The following TMEM117 variants were observed in gnomAD, a reference collection of about 807,000 sequenced individuals.
TMEM117 encodes transmembrane protein 117.
A neutral mutation model predicts 52.4 loss-of-function variants in TMEM117; 27 were observed. The observed-to-expected ratio is 0.51, with a 90% CI of 0.38 to 0.71. TMEM117 has a LOEUF of 0.71. Ranked by LOEUF, TMEM117 falls within the 30% of genes least tolerant of loss-of-function variation. The probability of loss-of-function intolerance (pLI) is 0.00; values close to 1 mark genes in which losing one functional copy is unlikely to be tolerated. For synonymous variants in TMEM117, 215 were observed against 206.3 expected, an observed-to-expected ratio of 1.04 and a Z score of -0.36; for missense variants, 556 against 630.5, an observed-to-expected ratio of 0.88 and a Z score of 1.26.
chr12:44,058,368 C>T (rs1204131790), intron 3 of TMEM117, among the ~76,000 whole-genome samples: 2 of 152,150 alleles, frequency 1.3e-5, no homozygotes, highest in African/African-American at 4.8e-5. Flanking sequence ...AGCTATTTCA[C>T]CAGGTGTTAC....
chr12:44,295,047 C>G (rs547579018), intron 5 of TMEM117, among the ~76,000 whole-genome samples: 17 of 152,268 alleles, frequency 1.1e-4, no homozygotes, highest in African/African-American at 3.6e-4. Flanking sequence ...CTTCATAAAT[C>G]TGGATGTCTG....
chr12:43,912,240 C>T (rs1266559072), intron 2 of TMEM117, among the ~76,000 whole-genome samples: 4 of 141,682 alleles, frequency 2.8e-5, no homozygotes, highest in African/African-American at 7.6e-5. Flanking sequence ...ACTAAACTAT[C>T]GCAAAAACAA....
At chr12:44,164,906 C>A (rs1332665559) in intron 4 of TMEM117, among the ~76,000 whole-genome samples, 2 of 152,146 alleles carry the variant, frequency 1.3e-5, no homozygotes, top group African/African-American at 4.8e-5. Context: ...TAACATTTAT[C>A]ATTTCTTTGT....
intron 5 of TMEM117, among the ~76,000 whole-genome samples, chr12:44,254,077 C>CA (rs1397754753): frequency 7.0e-6 from 1 of 143,832 alleles, no homozygotes; most frequent in Non-Finnish European, 1.5e-5. Flanking sequence ...CACTGTGAAG[C>CA]AAAAAATAAA....
intron 5 of TMEM117, among the ~76,000 whole-genome samples, chr12:44,211,711 C>G (rs928430413): frequency 5.9e-5 from 9 of 152,132 alleles, no homozygotes; most frequent in African/African-American, 2.2e-4. Context: ...CCTATAAATA[C>G]TAAATTGCCT....
At chr12:44,168,688 T>A (rs1283728970) in intron 4 of TMEM117, among the ~76,000 whole-genome samples, 1 of 152,174 alleles carries the variant, frequency 6.6e-6, no homozygotes, top group Non-Finnish European at 1.5e-5. Flanking sequence ...TAAAATATAT[T>A]TTTTTATTGT....
At chr12:43,860,356 C>T (rs1469060977) in intron 2 of TMEM117, among the ~76,000 whole-genome samples, 3 of 152,108 alleles carry the variant, frequency 2.0e-5, no homozygotes, top group Admixed American at 6.5e-5. Flanking sequence ...CCCTGGGGAT[C>T]CAGCATTGAA....
chr12:44,300,479 G>A (rs1004364871), intron 6 of TMEM117, among the ~76,000 whole-genome samples: 3 of 152,128 alleles, frequency 2.0e-5, no homozygotes, highest in Admixed American at 6.6e-5. Context: ...TAAGTCACCA[G>A]ACCAAAGACT....
At chr12:44,010,315 C>G in intron 3 of TMEM117, 1 of 447,934 alleles carries the variant, frequency 2.2e-6, no homozygotes, top group South Asian at 1.6e-5. Context: ...CTCAGCTTGA[C>G]TACCCTCTGT....
At chr12:44,070,331 A>G (rs767096424) in intron 3 of TMEM117, among the ~76,000 whole-genome samples, 1 of 152,226 alleles carries the variant, frequency 6.6e-6, no homozygotes, top group Non-Finnish European at 1.5e-5. Flanking sequence ...AGGGAAAGAC[A>G]GCACTTAGCC....
chr12:44,191,008 C>T (rs1050342889), intron 4 of TMEM117, among the ~76,000 whole-genome samples: 2 of 150,176 alleles, frequency 1.3e-5, no homozygotes, highest in African/African-American at 4.9e-5. Context: ...TAAAGACATA[C>T]CTGAGACTGG....
At chr12:43,946,397 TTG>T (rs1183522693) in intron 3 of TMEM117, among the ~76,000 whole-genome samples, 8,959 of 139,984 alleles carry the variant, frequency 0.064, 675 homozygotes, top group African/African-American at 0.19. Context: ...TTTTTTTTGT[TTG>T]TTTTTTTATC....
At chr12:44,259,995 C>G (rs1169168495) in intron 5 of TMEM117, among the ~76,000 whole-genome samples, 1 of 152,106 alleles carries the variant, frequency 6.6e-6, no homozygotes, top group African/African-American at 2.4e-5. Flanking sequence ...ATTTAGAACA[C>G]CATGTGAAAC....
At chr12:44,340,675 C>T (rs190735156) in intron 6 of TMEM117, among the ~76,000 whole-genome samples, 4 of 152,116 alleles carry the variant, frequency 2.6e-5, no homozygotes, top group Non-Finnish European at 5.9e-5. Flanking sequence ...GTTGCCTTTA[C>T]AAGAAGGAGA....
At chr12:44,249,259 G>A (rs7976652) in intron 5 of TMEM117, among the ~76,000 whole-genome samples, 43,694 of 151,992 alleles carry the variant, frequency 0.29, 11,852 homozygotes, top group African/African-American at 0.72. Context: ...ATATCTTGTC[G>A]AAGTTACATG....
chr12:44,116,520 A>G (rs1948146458), intron 3 of TMEM117, among the ~76,000 whole-genome samples: 1 of 152,102 alleles, frequency 6.6e-6, no homozygotes, highest in Admixed American at 6.6e-5. Flanking sequence ...ACAAACTGCA[A>G]ACTGCACTTC....
intron 5 of TMEM117, among the ~76,000 whole-genome samples, chr12:44,257,573 C>T (rs1950274152): frequency 6.6e-6 from 1 of 152,026 alleles, no homozygotes; most frequent in Non-Finnish European, 1.5e-5. Context: ...TACATAAAAC[C>T]TTTTCTCCTG....
intron 5 of TMEM117, among the ~76,000 whole-genome samples, chr12:44,223,830 G>C (rs1174483621): frequency 6.6e-6 from 1 of 152,116 alleles, no homozygotes; most frequent in Non-Finnish European, 1.5e-5. Flanking sequence ...TCAGGTCAAT[G>C]ATAAGCAAAA....
chr12:43,975,623 T>G (rs1480738837), intron 3 of TMEM117, among the ~76,000 whole-genome samples: 6 of 152,180 alleles, frequency 3.9e-5, no homozygotes, highest in Non-Finnish European at 8.8e-5. Flanking sequence ...TTCCTAGGTA[T>G]AAAGTAAAAA....
Sources: allele counts gnomAD v4.1 joint callset (sites outside exome capture counted in the v4.1 genomes callset), GRCh38; gene constraint gnomAD v4.1.1; transcripts MANE v1.5; gene names NCBI Gene and HGNC (gene_info 2026-07-23, HGNC 2026-07-21).